JAKMIP1: variants seen among roughly 807,000 people sequenced by gnomAD.
JAKMIP1 encodes the protein janus kinase and microtubule interacting protein 1.
In JAKMIP1, 33 loss-of-function variants were observed where a neutral mutation model predicts 113.0. That is an observed-to-expected ratio of 0.29 (90% confidence interval 0.22 to 0.39). The LOEUF is 0.39. Among genes scored for constraint, JAKMIP1 ranks in the 10% least tolerant of loss-of-function variants. The pLI is 1.00. For missense variants in JAKMIP1, 813 were observed against 1,080.5 expected, an observed-to-expected ratio of 0.75 and a Z score of 3.47; for synonymous variants, 480 against 459.9, an observed-to-expected ratio of 1.04 and a Z score of -0.56.
At chr4:6,117,406 A>G (rs1468875856) in intron 1 of JAKMIP1, among the ~76,000 whole-genome samples, 1 of 152,196 alleles carries the variant, frequency 6.6e-6, no homozygotes, top group Non-Finnish European at 1.5e-5. Flanking sequence ...AGTTTCAAAA[A>G]GGGGAGGGGG....
chr4:6,108,181 C>T lies in JAKMIP1; in HGVS notation c.130-2214G>A, dbSNP rs1714286606. 6.6e-6 allele frequency among the ~76,000 whole-genome samples: 1 copy of T among 152,058 alleles called. No homozygotes were observed. Among genetic ancestry groups the T allele is most frequent in the East Asian group, 1.9e-4 (1 of 5,176 alleles). On this transcript the variant is annotated intron_variant, in intron 2 of 20. Coordinates refer to ENST00000409021, the MANE Select transcript of JAKMIP1 (RefSeq NM_001099433.2). The surrounding 1 kb of genome is among the most constrained non-coding windows in gnomAD (Gnocchi z 5.6). ...GCCCTGCTGGGTCCCTCCAGCTCTGCCCAAAGCTGCTGAGAGCCAAGCCCA... is the reference window on the plus strand; with the variant it reads ...GCCCTGCTGGGTCCCTCCAGCTCTGTCCAAAGCTGCTGAGAGCCAAGCCCA...
chr4:6,111,696 T>A (rs957181744), intron 2 of JAKMIP1, among the ~76,000 whole-genome samples: 2 of 152,318 alleles, frequency 1.3e-5, no homozygotes, highest in South Asian at 2.1e-4. Flanking sequence ...TCCTCCCCTC[T>A]GTGACAGCCC....
intron 1 of JAKMIP1, among the ~76,000 whole-genome samples, chr4:6,114,392 C>A (rs1448667200): frequency 1.3e-5 from 2 of 152,174 alleles, no homozygotes; most frequent in African/African-American, 4.8e-5. Flanking sequence ...CTCCTGGAGT[C>A]CATGTGACCT....
Position 6,060,422 on chromosome 4 carries a change from A to C in JAKMIP1, c.1644+2T>G. On this transcript the variant is annotated splice_donor_variant, in intron 11 of 20. Transcript: ENST00000409021. LOFTEE classifies it high-confidence loss of function. ...CACAGAGCACAGATCACTCCTGCTC[A>C]CCTGTCCCTTCTCAACCAGTAACTT... The C allele has an allele frequency of 6.2e-7, 1 of 1,609,580 alleles. No homozygotes were observed. Among genetic ancestry groups the C allele is most frequent in the Non-Finnish European group, 8.5e-7 (1 of 1,175,822 alleles).
chr4:6,165,570 G>A (rs1049817019), intron 1 of JAKMIP1, among the ~76,000 whole-genome samples: 1 of 152,144 alleles, frequency 6.6e-6, no homozygotes, highest in Non-Finnish European at 1.5e-5. Context: ...CAAAGTGCTG[G>A]GATTACAGGC....
intron 1 of JAKMIP1, among the ~76,000 whole-genome samples, chr4:6,133,595 G>A (rs1010664145): frequency 2.0e-5 from 3 of 152,210 alleles, no homozygotes; most frequent in African/African-American, 7.2e-5. Context: ...ATAGTGGGTG[G>A]TGGGCAGGGG....
chr4:6,162,105 T>C lies in JAKMIP1; in HGVS notation c.-148+38148A>G, dbSNP rs1578425495. On this transcript the variant is annotated intron_variant, in intron 1 of 20. Coordinates refer to ENST00000409021, the MANE Select transcript of JAKMIP1 (RefSeq NM_001099433.2). This position sits in a 1 kb window ranked among gnomAD's most constrained non-coding sequence, Gnocchi z 5.6. Reference sequence around the variant, plus strand: ...AGGCTCAGCCATGTCTGGGACGGGGTAGATTATGGGCCAGACGGGGGGCCA... The same window carrying C: ...AGGCTCAGCCATGTCTGGGACGGGGCAGATTATGGGCCAGACGGGGGGCCA... 1.4e-5 allele frequency among the ~76,000 whole-genome samples: 2 copies of C among 147,262 alleles called. No homozygotes were observed. The highest frequency in any genetic ancestry group is 4.2e-4 in the South Asian group (2 of 4,744).
intron 16 of JAKMIP1, among the ~76,000 whole-genome samples, chr4:6,046,132 C>T (rs1347401467): frequency 1.3e-5 from 2 of 152,268 alleles, no homozygotes; most frequent in African/African-American, 2.4e-5. Flanking sequence ...GCAATTCTCA[C>T]GTCCCAGGAA....
rs1726004314 is a variant in JAKMIP1, at chr4:6,181,402, T to TA, written c.-148+18850dup. Among the ~76,000 whole-genome samples, 1 of 152,150 alleles carries TA rather than the reference T, an allele frequency of 6.6e-6. No individual in the cohort carries two copies. Among genetic ancestry groups the TA allele is most frequent in the South Asian group, 2.1e-4 (1 of 4,826 alleles). Reference sequence around the variant, plus strand: ...TACTGCCAGGTTACTACCAGGTCACTATCAGGTTACCACCAGCTCAGTACA... The same window carrying TA: ...TACTGCCAGGTTACTACCAGGTCACTAATCAGGTTACCACCAGCTCAGTACA... On this transcript the variant is annotated intron_variant, in intron 1 of 20. Transcript: ENST00000409021. The surrounding 1 kb of genome is among the most constrained non-coding windows in gnomAD (Gnocchi z 5.4).
rs180815426 is a variant in JAKMIP1, at chr4:6,097,163, G to A, written c.624+8310C>T. ...ACTACAGGGGTATGCCACCATGTCC[G>A]GCTAATTTTTAAATTTTTTGTAGAG... On this transcript the variant is annotated intron_variant, in intron 3 of 20. Transcript: ENST00000409021. The surrounding 1 kb of genome is among the most constrained non-coding windows in gnomAD (Gnocchi z 4.3). 1.6e-3 allele frequency among the ~76,000 whole-genome samples: 247 copies of A among 152,072 alleles called. 2 individuals carry two copies. Among genetic ancestry groups the A allele is most frequent in the Non-Finnish European group, 2.7e-3 (185 of 67,976 alleles).
chr4:6,098,084 C>CA (rs1274371672), intron 3 of JAKMIP1, among the ~76,000 whole-genome samples: 1 of 152,164 alleles, frequency 6.6e-6, no homozygotes, highest in African/African-American at 2.4e-5. Flanking sequence ...AGGTGCTGTC[C>CA]AAAACCACGC....
intron 8 of JAKMIP1, among the ~76,000 whole-genome samples, chr4:6,070,840 C>T (rs1162989909): frequency 6.7e-6 from 1 of 149,344 alleles, no homozygotes; most frequent in Non-Finnish European, 1.5e-5. Flanking sequence ...AATAGAAAAA[C>T]TGATTTTTTT....
chr4:6,082,716 G>A (rs934791551), intron 5 of JAKMIP1, among the ~76,000 whole-genome samples: 2 of 152,034 alleles, frequency 1.3e-5, no homozygotes, highest in Non-Finnish European at 2.9e-5. Context: ...TGCCCAAGCT[G>A]GGCTGGAACT....
At chr4:6,161,636 T>C (rs1722971836) in intron 1 of JAKMIP1, among the ~76,000 whole-genome samples, 1 of 151,968 alleles carries the variant, frequency 6.6e-6, no homozygotes, top group Non-Finnish European at 1.5e-5. Context: ...ACAGAGGGTC[T>C]GGGTCTCCGA....
At chr4:6,096,819 A>T (rs1438259095) in intron 3 of JAKMIP1, among the ~76,000 whole-genome samples, 1 of 152,238 alleles carries the variant, frequency 6.6e-6, no homozygotes, top group African/African-American at 2.4e-5. Context: ...CATGAAATCC[A>T]TTTATGTTTC....
chr4:6,132,082 C>T (rs952482012), intron 1 of JAKMIP1, among the ~76,000 whole-genome samples: 13 of 152,088 alleles, frequency 8.5e-5, no homozygotes, highest in African/African-American at 2.4e-4. Context: ...AATTGACTGA[C>T]TAGAACAGTT....
In JAKMIP1 at chr4:6,129,465, G is replaced by A. The variant is rs1317231123; in HGVS notation, c.-147-16468C>T. Among the ~76,000 whole-genome samples the A allele has an allele frequency of 1.3e-5, 2 of 152,162 alleles. No individual in the cohort carries two copies. Among genetic ancestry groups the A allele is most frequent in the Non-Finnish European group, 2.9e-5 (2 of 68,022 alleles). The stretch of plus-strand genomic sequence containing the variant: ...CTACAAGGTTTGAGATCACATTGAA[G>A]TCGACTGGTTAAACACATCACCCCA... On this transcript the variant is annotated intron_variant, in intron 1 of 20. Transcript: ENST00000409021. This position sits in a 1 kb window ranked among gnomAD's most constrained non-coding sequence, Gnocchi z 5.4.
chr4:6,135,340 G>A lies in JAKMIP1; in HGVS notation c.-147-22343C>T, dbSNP rs1461195035. Among the ~76,000 whole-genome samples, 1 of 152,134 alleles carries A rather than the reference G, an allele frequency of 6.6e-6. No homozygotes were observed. The highest frequency in any genetic ancestry group is 6.5e-5 in the Admixed American group (1 of 15,278). On this transcript the variant is annotated intron_variant, in intron 1 of 20. Coordinates refer to ENST00000409021, the MANE Select transcript of JAKMIP1 (RefSeq NM_001099433.2). This position sits in a 1 kb window ranked among gnomAD's most constrained non-coding sequence, Gnocchi z 4.9. ...ACACATAGAAGGAAGACCATGTGAG[G>A]ACATGGGGAGAAGACGGCCGTCTAC...
At position 6,176,757 on chromosome 4, in the gene JAKMIP1, C is replaced by T. The variant is rs999076675; in HGVS notation, c.-148+23496G>A. ...TATCAAAGTGGTGGGAAAAGCTGGG[C>T]GCCATGGCTCACACCTGTAATCCTA... is the stretch of plus-strand genomic sequence containing the variant. On this transcript the variant is annotated intron_variant, in intron 1 of 20. Coordinates refer to ENST00000409021, the MANE Select transcript of JAKMIP1 (RefSeq NM_001099433.2). This position sits in a 1 kb window ranked among gnomAD's most constrained non-coding sequence, Gnocchi z 5.5. Among the ~76,000 whole-genome samples, 3 of 152,262 alleles carry T rather than the reference C, an allele frequency of 2.0e-5. No individual in the cohort carries two copies. Among genetic ancestry groups the T allele is most frequent in the South Asian group, 2.1e-4 (1 of 4,812 alleles).
Sources: gnomAD v4.1 joint callset for allele counts (sites outside exome capture counted in the v4.1 genomes callset) on GRCh38, gnomAD v4.1.1 for gene constraint, Gnocchi (gnomAD v3.1) non-coding constraint, MANE v1.5 for transcripts, NCBI Gene and HGNC (gene_info 2026-07-23, HGNC 2026-07-21) for gene names.